The following DRD2 variants were observed in gnomAD, a reference collection of about 807,000 sequenced individuals.
The protein encoded by DRD2 is dopamine receptor D2.
Under a neutral mutation model 38.0 loss-of-function variants are expected in DRD2, and 8 were observed. That is an observed-to-expected ratio of 0.21 (90% CI 0.12 to 0.38). The LOEUF (loss-of-function observed/expected upper bound fraction) is 0.38, where lower values mean the gene tolerates loss of function less well. DRD2 is among the 10% of genes least tolerant of loss of function. DRD2 has a pLI of 1.00. For missense variants in DRD2, 403 were observed against 607.7 expected, an observed-to-expected ratio of 0.66 and a Z score of 3.54; for synonymous variants, 230 against 238.6, an observed-to-expected ratio of 0.96 and a Z score of 0.33.
intron 1 of DRD2, among the ~76,000 whole-genome samples, chr11:113,471,694 T>C (rs377032417): frequency 2.0e-5 from 3 of 152,108 alleles, no homozygotes; most frequent in East Asian, 1.9e-4. Context: ...GGAAAATTCA[T>C]TGGAAAAAGT....
At chr11:113,421,852 C>T (rs1477584773) in intron 2 of DRD2, among the ~76,000 whole-genome samples, 1 of 152,122 alleles carries the variant, frequency 6.6e-6, no homozygotes, top group Non-Finnish European at 1.5e-5. Flanking sequence ...GGCTCAGTGC[C>T]CAGCTCTAGT....
chr11:113,442,402 G>A (rs1320683840), intron 1 of DRD2, among the ~76,000 whole-genome samples: 2 of 152,218 alleles, frequency 1.3e-5, no homozygotes, highest in East Asian at 1.9e-4. Context: ...TACAAAGGCT[G>A]TGTCTGAATG....
intron 1 of DRD2, among the ~76,000 whole-genome samples, chr11:113,451,465 A>T (rs1357721053): frequency 2.0e-5 from 3 of 152,034 alleles, no homozygotes; most frequent in Non-Finnish European, 4.4e-5. Flanking sequence ...TATATATATA[A>T]TTTTTCCTGT....
At chr11:113,474,777 C>T (rs962760930) in intron 1 of DRD2, among the ~76,000 whole-genome samples, 1 of 152,078 alleles carries the variant, frequency 6.6e-6, no homozygotes, top group Non-Finnish European at 1.5e-5. Flanking sequence ...CTGCCCTGGG[C>T]GCCCCGCGGG....
At chr11:113,415,874 A>G (rs1202207694) in intron 4 of DRD2, among the ~76,000 whole-genome samples, 2 of 152,242 alleles carry the variant, frequency 1.3e-5, no homozygotes, top group Non-Finnish European at 2.9e-5. Context: ...TTCCCTCATT[A>G]CTTGGTCATT....
intron 1 of DRD2, among the ~76,000 whole-genome samples, chr11:113,443,432 G>A (rs547934976): frequency 3.9e-5 from 6 of 152,182 alleles, no homozygotes; most frequent in African/African-American, 7.2e-5. Flanking sequence ...ACAGTGTGGC[G>A]CTCAGCAAGG....
At chr11:113,471,528 G>A (rs534167117) in intron 1 of DRD2, among the ~76,000 whole-genome samples, 61 of 152,172 alleles carry the variant, frequency 4.0e-4, no homozygotes, top group Non-Finnish European at 7.2e-4. Flanking sequence ...ACCTACAAAG[G>A]AGGGTGCCTG....
At chr11:113,449,014 C>G (rs182631524) in intron 1 of DRD2, among the ~76,000 whole-genome samples, 8 of 152,236 alleles carry the variant, frequency 5.3e-5, no homozygotes, top group Admixed American at 4.6e-4. Flanking sequence ...TCTTCTATGA[C>G]TCCCCTGAAG....
At chr11:113,470,190 A>G (rs965481564) in intron 1 of DRD2, among the ~76,000 whole-genome samples, 1 of 152,106 alleles carries the variant, frequency 6.6e-6, no homozygotes, top group Non-Finnish European at 1.5e-5. Flanking sequence ...AAATAATTTC[A>G]TTTCTAATGT....
intron 1 of DRD2, among the ~76,000 whole-genome samples, chr11:113,426,836 C>A (rs923106203): frequency 6.6e-6 from 1 of 152,230 alleles, no homozygotes; most frequent in African/African-American, 2.4e-5. Context: ...TTCTGCAAAA[C>A]CAACTGAGCC....
At chr11:113,427,476 G>T (rs938361435) in intron 1 of DRD2, among the ~76,000 whole-genome samples, 3 of 152,110 alleles carry the variant, frequency 2.0e-5, no homozygotes, top group Non-Finnish European at 4.4e-5. Context: ...CATCACAAGA[G>T]TTACAACATG....
intron 7 of DRD2, 76 bp from the exon 8 acceptor site, chr11:113,410,996 C>G: frequency 6.6e-7 from 1 of 1,506,926 alleles, no homozygotes; most frequent in South Asian, 1.3e-5. Flanking sequence ...CCCAGTGCGC[C>G]CTGGCTCGTA....
intron 1 of DRD2, among the ~76,000 whole-genome samples, chr11:113,458,128 GC>G (rs1468144074): frequency 6.6e-6 from 1 of 152,268 alleles, no homozygotes; most frequent in African/African-American, 2.4e-5. Context: ...AAAAACAACT[GC>G]CTGAGGCAAC....
intron 1 of DRD2, among the ~76,000 whole-genome samples, chr11:113,472,974 G>T (rs576190699): frequency 6.6e-6 from 1 of 152,174 alleles, no homozygotes; most frequent in African/African-American, 2.4e-5. Context: ...TAATCAGGGG[G>T]ATGGTCTTTC....
chr11:113,461,548 A>G (rs1951319100), intron 1 of DRD2, among the ~76,000 whole-genome samples: 1 of 152,192 alleles, frequency 6.6e-6, no homozygotes, highest in South Asian at 2.1e-4. Flanking sequence ...GGATCCCCCA[A>G]GGCAGACTGG....
intron 1 of DRD2, among the ~76,000 whole-genome samples, chr11:113,462,040 C>G (rs1034633977): frequency 7.9e-6 from 1 of 126,976 alleles, no homozygotes; most frequent in South Asian, 2.7e-4. Context: ...AACCATTGTG[C>G]CAGCAGGTCA....
intron 1 of DRD2, among the ~76,000 whole-genome samples, chr11:113,446,304 A>G (rs1591293510): frequency 6.6e-6 from 1 of 151,864 alleles, no homozygotes; most frequent in Non-Finnish European, 1.5e-5. Flanking sequence ...ACCAGTTTCT[A>G]CCCCCGGCGC....
chr11:113,452,284 G>C (rs1440383784), intron 1 of DRD2, among the ~76,000 whole-genome samples: 1 of 152,050 alleles, frequency 6.6e-6, no homozygotes, highest in African/African-American at 2.4e-5. Context: ...AGGGGCCGGT[G>C]GATCCTTTAT....
chr11:113,420,024 G>A (rs1213205036), intron 2 of DRD2, among the ~76,000 whole-genome samples: 1 of 152,208 alleles, frequency 6.6e-6, no homozygotes, highest in African/African-American at 2.4e-5. Flanking sequence ...GTGGAGGCAG[G>A]AGGGTACGTA....
Sources: allele counts gnomAD v4.1 joint callset (sites outside exome capture counted in the v4.1 genomes callset), GRCh38; gene constraint gnomAD v4.1.1; transcripts MANE v1.5; gene names NCBI Gene and HGNC (gene_info 2026-07-23, HGNC 2026-07-21).